FRMD6: variants seen among roughly 807,000 people sequenced by gnomAD.
The protein encoded by FRMD6 is FERM domain containing 6, also known as FERM domain-containing protein 6.
Under a neutral mutation model 73.2 loss-of-function variants are expected in FRMD6, and 37 were observed. The observed-to-expected ratio is 0.51, with a 90% CI of 0.39 to 0.66. The LOEUF is 0.66. Ranked by LOEUF, FRMD6 falls within the 30% of genes least tolerant of loss-of-function variation. The probability of loss-of-function intolerance (pLI) is 0.00; values close to 1 mark genes in which losing one functional copy is unlikely to be tolerated. For missense variants in FRMD6, 714 were observed against 780.5 expected, an observed-to-expected ratio of 0.91 and a Z score of 1.02; for synonymous variants, 273 against 282.2, an observed-to-expected ratio of 0.97 and a Z score of 0.33.
In FRMD6 at chr14:51,728,450, GGGAGA is replaced by G. The variant is rs567379496; in HGVS notation, c.*425_*429del. 8.2e-4 allele frequency: 144 copies of G among 174,862 alleles called. No homozygotes were observed. Among genetic ancestry groups the G allele is most frequent in the African/African-American group, 3.3e-3 (140 of 42,044 alleles). 10.8% of individuals were successfully genotyped at this position (174,862 alleles called of 1,614,324 possible). A position where few individuals can be genotyped will look rare whatever the true frequency, so the allele number is the denominator to read the frequency against. On this transcript the variant is annotated 3_prime_UTR_variant, in exon 14 of 14. Coordinates refer to ENST00000344768, the MANE Select transcript of FRMD6 (RefSeq NM_001267046.2). Reference sequence around the variant, plus strand: ...CTCCCACATAAAATGCTCATAGTTTGGGAGAGGAAAGAGGGAAGATTCTCTCTTCT... The same window carrying G: ...CTCCCACATAAAATGCTCATAGTTTGGGAAAGAGGGAAGATTCTCTCTTCT...
chr14:51,420,993 T>C, the FRMD6 span, among the ~76,000 whole-genome samples: 3 of 152,148 alleles, frequency 2.0e-5, no homozygotes, highest in Non-Finnish European at 4.4e-5. Flanking sequence ...GCCAGGCTGG[T>C]CTTGAACTCC....
chr14:51,641,728 C>T (rs941808294), intron 2 of FRMD6, among the ~76,000 whole-genome samples: 2 of 152,160 alleles, frequency 1.3e-5, no homozygotes, highest in South Asian at 2.1e-4. Context: ...TTCACCCTTT[C>T]GATCAGTGGC....
At chr14:51,493,024 G>A (rs1289243870) in intron 1 of FRMD6, among the ~76,000 whole-genome samples, 1 of 152,180 alleles carries the variant, frequency 6.6e-6, no homozygotes, top group Non-Finnish European at 1.5e-5. Flanking sequence ...ACATGACACT[G>A]ATTCAGCAGA....
At chr14:51,432,246 A>G in the FRMD6 span, among the ~76,000 whole-genome samples, 1 of 152,196 alleles carries the variant, frequency 6.6e-6, no homozygotes, top group African/African-American at 2.4e-5. Context: ...AAGGGATCAA[A>G]TCCAGCTTCA....
the FRMD6 span, among the ~76,000 whole-genome samples, chr14:51,415,717 C>G: frequency 1.3e-5 from 2 of 152,178 alleles, no homozygotes; most frequent in Non-Finnish European, 1.5e-5. Flanking sequence ...GGGATAGTTT[C>G]AGAAGGAATG....
At chr14:51,475,558 A>G in the FRMD6 span, among the ~76,000 whole-genome samples, 1 of 152,190 alleles carries the variant, frequency 6.6e-6, no homozygotes, top group Admixed American at 6.5e-5. Context: ...CTATTAGCAT[A>G]TTTCGTGGTT....
upstream of FRMD6, among the ~76,000 whole-genome samples, chr14:51,647,160 A>AT (rs912049640): frequency 1.7e-4 from 26 of 151,572 alleles, no homozygotes; most frequent in South Asian, 2.7e-3. Flanking sequence ...ACTTTTACAT[A>AT]TTTTTTTTTC....
chr14:51,451,705 G>A, the FRMD6 span, among the ~76,000 whole-genome samples: 1 of 152,172 alleles, frequency 6.6e-6, no homozygotes, highest in South Asian at 2.1e-4. Context: ...GTTCGCACAA[G>A]AGCTAATTGT....
At chr14:51,667,009 C>T (rs1893648804) in intron 1 of FRMD6, among the ~76,000 whole-genome samples, 1 of 151,988 alleles carries the variant, frequency 6.6e-6, no homozygotes, top group South Asian at 2.1e-4. Context: ...GTGATGCGTG[C>T]CTGTGGTCCC....
the FRMD6 span, chr14:51,436,826 G>A: frequency 3.6e-6 from 2 of 563,126 alleles, no homozygotes; most frequent in South Asian, 1.8e-5. Flanking sequence ...AGATGAAGAA[G>A]GAGAAGGAGA....
the FRMD6 span, among the ~76,000 whole-genome samples, chr14:51,434,126 C>G: frequency 6.6e-6 from 1 of 152,056 alleles, no homozygotes; most frequent in East Asian, 1.9e-4. Flanking sequence ...AGAATAAACC[C>G]TATAGTGTTA....
the FRMD6 span, among the ~76,000 whole-genome samples, chr14:51,457,616 C>T: frequency 6.6e-5 from 10 of 152,166 alleles, no homozygotes; most frequent in African/African-American, 2.4e-4. Context: ...TTCTAAGATG[C>T]CCCAGTTATA....
the FRMD6 span, among the ~76,000 whole-genome samples, chr14:51,407,657 G>A: frequency 6.6e-6 from 1 of 151,192 alleles, no homozygotes; most frequent in African/African-American, 2.4e-5. Context: ...TCTATATTTG[G>A]CAAGTAGACT....
intron 2 of FRMD6, among the ~76,000 whole-genome samples, chr14:51,596,341 T>G (rs535223423): frequency 2.0e-5 from 3 of 151,984 alleles, no homozygotes; most frequent in African/African-American, 7.2e-5. Context: ...ACCCTCACAT[T>G]ACTGATTTCA....
the FRMD6 span, among the ~76,000 whole-genome samples, chr14:51,451,967 T>G: frequency 6.6e-6 from 1 of 152,190 alleles, no homozygotes; most frequent in Non-Finnish European, 1.5e-5. Context: ...ACATATCAAC[T>G]TGTTTGGGCT....
At chr14:51,437,398 G>T in the FRMD6 span, among the ~76,000 whole-genome samples, 4 of 152,224 alleles carry the variant, frequency 2.6e-5, no homozygotes, top group Non-Finnish European at 2.9e-5. Context: ...CGCCTGCCGG[G>T]TTCAAGCGAT....
the FRMD6 span, among the ~76,000 whole-genome samples, chr14:51,452,196 T>A: frequency 6.6e-6 from 1 of 152,200 alleles, no homozygotes; most frequent in South Asian, 2.1e-4. Context: ...GGGAATTTAA[T>A]AACTATTTAG....
intron 5 of FRMD6, 75 bp downstream of exon 5, chr14:51,702,663 C>A: frequency 8.7e-7 from 1 of 1,150,440 alleles, no homozygotes; most frequent in Non-Finnish European, 1.3e-6. Context: ...AAATAAGTTA[C>A]GTGTGTTTAT....
the FRMD6 span, among the ~76,000 whole-genome samples, chr14:51,482,460 T>C: frequency 6.6e-6 from 1 of 152,220 alleles, no homozygotes; most frequent in Admixed American, 6.5e-5. Context: ...AAGTGCTCCA[T>C]GGGTGTTTCT....
Sources: gnomAD v4.1 joint callset for allele counts (sites outside exome capture counted in the v4.1 genomes callset) on GRCh38, gnomAD v4.1.1 for gene constraint, MANE v1.5 for transcripts, NCBI Gene and HGNC (gene_info 2026-07-23, HGNC 2026-07-21) for gene names.